RASA2: variants seen among roughly 807,000 people sequenced by gnomAD.
RASA2 encodes RAS p21 protein activator 2.
A neutral mutation model predicts 118.2 loss-of-function variants in RASA2; 155 were observed. The observed-to-expected ratio is 1.31, with a 90% CI of 1.15 to 1.50. The LOEUF (loss-of-function observed/expected upper bound fraction) is 1.50. Among genes scored for constraint, RASA2 ranks in the 40% most tolerant of loss-of-function variants. The pLI, the probability that RASA2 is intolerant of heterozygous loss-of-function variation, is 0.00. For synonymous variants in RASA2, 353 were observed against 349.1 expected (o/e 1.01, Z -0.12); for missense variants, 1,016 against 1,009.6 (o/e 1.01, Z -0.09).
chr3:141,499,726 T>A (rs6763498), intron 1 of RASA2, among the ~76,000 whole-genome samples: 71,908 of 151,918 alleles, frequency 0.47, 18,493 homozygotes, highest in African/African-American at 0.69. Context: ...AGCCTCCCGA[T>A]TAGCTGGGAC....
intron 23 of RASA2, among the ~76,000 whole-genome samples, chr3:141,611,099 G>A (rs2083644740): frequency 6.6e-6 from 1 of 152,174 alleles, no homozygotes; most frequent in Non-Finnish European, 1.5e-5. Flanking sequence ...GCTTTTAGAA[G>A]CAAGTTAATG....
intron 3 of RASA2, chr3:141,526,179 CAAG>C (rs2082181933): frequency 2.0e-5 from 3 of 152,112 alleles, no homozygotes; most frequent in African/African-American, 4.8e-5. Flanking sequence ...GAAAATTAAA[CAAG>C]AAAATATATA....
At chr3:141,560,702 G>A (rs1408298074) in intron 9 of RASA2, among the ~76,000 whole-genome samples, 1 of 152,148 alleles carries the variant, frequency 6.6e-6, no homozygotes, top group Non-Finnish European at 1.5e-5. Context: ...TTAAAAGCGT[G>A]TGTATCCTTT....
At chr3:141,538,049 G>A (rs2082353081) in intron 4 of RASA2, among the ~76,000 whole-genome samples, 2 of 151,882 alleles carry the variant, frequency 1.3e-5, no homozygotes, top group African/African-American at 4.8e-5. Context: ...TCTCAAGGGA[G>A]GCTACAGAAT....
rs1372094243 is a variant in RASA2, at chr3:141,553,424, C to CT, written c.528-431dup. On this transcript the variant is annotated intron_variant, in intron 5 of 23. Coordinates refer to ENST00000286364, the MANE Select transcript of RASA2 (RefSeq NM_006506.5). ...TTGAGACTGTTTTGAATTTCTTATT[C>CT]TTATTTTTTTTTTGAGTATTTGCAT... Among the ~76,000 whole-genome samples the CT allele has an allele frequency of 1.3e-3, 182 of 140,598 alleles. 1 individual carries two copies. Among genetic ancestry groups the CT allele is most frequent in the African/African-American group, 3.9e-3 (156 of 40,242 alleles). The allele number at this position is 140,598 out of a possible 152,430, so 92.2% of individuals were successfully genotyped here. A position where few individuals can be genotyped will look rare whatever the true frequency, so the allele number is the denominator to read the frequency against.
At position 141,615,340 on chromosome 3, in the gene RASA2, C is replaced by T. The variant is rs2083712293; in HGVS notation, c.*3027C>T. ...ATAACTCAAATAAATTACAAGAAGCCTGTCTGTTCTTTGTGAGACTGTATT... is the reference window on the plus strand; with the variant it reads ...ATAACTCAAATAAATTACAAGAAGCTTGTCTGTTCTTTGTGAGACTGTATT... On this transcript the variant is annotated 3_prime_UTR_variant, in exon 24 of 24. Coordinates refer to ENST00000286364, the MANE Select transcript of RASA2 (RefSeq NM_006506.5). The T allele has an allele frequency of 6.6e-6, 1 of 151,840 alleles. No homozygotes were observed. 9.4% of individuals were successfully genotyped at this position (151,840 alleles called of 1,614,324 possible). A position where few individuals can be genotyped will look rare whatever the true frequency, so the allele number is the denominator to read the frequency against.
intron 19 of RASA2, among the ~76,000 whole-genome samples, chr3:141,605,078 G>A (rs887426023): frequency 6.6e-5 from 10 of 151,954 alleles, no homozygotes; most frequent in Non-Finnish European, 1.5e-4. Flanking sequence ...TCAGTCTTTT[G>A]ACTCTTCTAT....
Position 141,612,284 on chromosome 3 carries a change from G to T in RASA2, c.2521G>T (p.Glu841Ter). The T allele has an allele frequency of 6.3e-7, 1 of 1,585,450 alleles. No homozygotes were observed. The highest frequency in any genetic ancestry group is 8.6e-7 in the Non-Finnish European group (1 of 1,159,724). ...AAAATGACTTTTTTTCTTCTCTAGG[G>T]AAAATCCAATTGTTGGGAAAGCATC... ...RSSSAKYGSK[E>*]NPIVGKAS Residue 841 changes from glutamate (E) to a stop codon, truncating the protein, a stop_gained and splice_region_variant, in exon 24 of 24, where the codon GAA (glutamate) becomes TAA (stop). Coordinates refer to ENST00000286364, the MANE Select transcript of RASA2 (RefSeq NM_006506.5). LOFTEE classifies it high-confidence loss of function.
chr3:141,554,681 G>T (rs1331248532), intron 6 of RASA2, among the ~76,000 whole-genome samples: 1 of 152,042 alleles, frequency 6.6e-6, no homozygotes. Context: ...AGAATCTCTA[G>T]TTATTCTTAC....
intron 4 of RASA2, among the ~76,000 whole-genome samples, chr3:141,535,870 G>A (rs2082319185): frequency 1.3e-5 from 2 of 152,076 alleles, no homozygotes; most frequent in South Asian, 4.1e-4. Flanking sequence ...CCAACACTGG[G>A]GATCACATTT....
intron 9 of RASA2, among the ~76,000 whole-genome samples, chr3:141,563,694 A>C (rs1315864534): frequency 6.6e-6 from 1 of 152,248 alleles, no homozygotes; most frequent in Non-Finnish European, 1.5e-5. Context: ...GAAAAAGCAC[A>C]GAGAAATTTA....
chr3:141,500,619 C>G (rs969020822), intron 1 of RASA2, among the ~76,000 whole-genome samples: 7 of 152,136 alleles, frequency 4.6e-5, no homozygotes, highest in Non-Finnish European at 7.4e-5. Context: ...ATTTTGTGCT[C>G]AGTTAAGTGT....
Position 141,580,413 on chromosome 3 carries a change from C to G in RASA2, c.1636C>G (p.Gln546Glu). 1 of 1,609,980 alleles carries G rather than the reference C, an allele frequency of 6.2e-7. No homozygotes were observed. Among genetic ancestry groups the G allele is most frequent in the East Asian group, 2.2e-5 (1 of 44,712 alleles). The change falls in exon 16 of 24, where the codon CAA becomes GAA. Residue 546 changes from glutamine to glutamate, a missense_variant. Physicochemically the swap from Gln to Glu is conservative, Grantham distance 29. Around this residue, in one of 2 missense-constraint regions of RASA2, gnomAD observed 896 missense variants for 836.4 expected, o/e 1.07. Transcript: ENST00000286364. ...ATTAACTCTCATCTCAAAAACTATA[C>G]AAACTTTGGGAAGCTGGGGGAGTCT... The part of the protein sequence containing the change: ...RTLTLISKTI[Q>E]TLGSWGSLSK...
chr3:141,543,415 G>C (rs1441643509), intron 5 of RASA2, among the ~76,000 whole-genome samples: 1 of 151,986 alleles, frequency 6.6e-6, no homozygotes. Context: ...TATAATTTTT[G>C]CTTCAGCCAT....
At chr3:141,513,208 T>TA (rs2081978428) in intron 2 of RASA2, among the ~76,000 whole-genome samples, 1 of 151,530 alleles carries the variant, frequency 6.6e-6, no homozygotes, top group South Asian at 2.1e-4. Flanking sequence ...TTTTTTTTTT[T>TA]ATGCCTTTAA....
intron 1 of RASA2, among the ~76,000 whole-genome samples, chr3:141,495,857 A>G (rs2081694763): frequency 6.6e-6 from 1 of 152,256 alleles, no homozygotes; most frequent in Non-Finnish European, 1.5e-5. Flanking sequence ...CACGTATTCT[A>G]TAGCAACTAA....
chr3:141,558,842 G>T lies in RASA2; in HGVS notation c.685-44G>T, dbSNP rs754712165. On this transcript the variant is annotated intron_variant, in intron 7 of 23. Coordinates refer to ENST00000286364, the MANE Select transcript of RASA2 (RefSeq NM_006506.5). ...ATCATTTTTAAGCTGTAGGAAAAAT[G>T]TATTTTTTTAAAAAAAATTTTTACT... 5 of 1,388,128 alleles carry T rather than the reference G, an allele frequency of 3.6e-6. No homozygotes were observed. In the South Asian group the frequency reaches 6.1e-5, roughly 17 times the overall value. The allele number at this position is 1,388,128 out of a possible 1,614,324, so 86.0% of individuals were successfully genotyped here.
intron 3 of RASA2, among the ~76,000 whole-genome samples, chr3:141,524,747 C>T (rs372953985): frequency 1.6e-4 from 25 of 152,144 alleles, no homozygotes; most frequent in East Asian, 1.4e-3. Flanking sequence ...CACACTGCCA[C>T]GCTCGGCTAA....
chr3:141,488,748 A>G (rs1382292382), intron 1 of RASA2, among the ~76,000 whole-genome samples: 4 of 152,048 alleles, frequency 2.6e-5, no homozygotes, highest in Admixed American at 6.6e-5. Flanking sequence ...CAACTTTTGC[A>G]TATATCTAAT....
Sources: allele counts gnomAD v4.1 joint callset (sites outside exome capture counted in the v4.1 genomes callset), GRCh38; gene constraint gnomAD v4.1.1; regional missense constraint gnomAD v4.1.1; transcripts MANE v1.5; gene names NCBI Gene and HGNC (gene_info 2026-07-23, HGNC 2026-07-21).